Variants in RHBDL2 observed in about 807,000 individuals in gnomAD.
RHBDL2 encodes the protein rhomboid like 2, also known as rhomboid-related protein 2.
In RHBDL2, 26 loss-of-function variants were observed where a neutral mutation model predicts 31.7. That is an observed-to-expected ratio of 0.82 (90% CI 0.60 to 1.14). The LOEUF (loss-of-function observed/expected upper bound fraction) is 1.14. Ranked by LOEUF, RHBDL2 falls within the 50% of genes most tolerant of loss-of-function variation. The pLI is 0.00. For missense variants in RHBDL2, 336 were observed against 364.4 expected (o/e 0.92, Z 0.63); for synonymous variants, 123 against 127.2 (o/e 0.97, Z 0.22).
chr1:38,914,831 C>G (rs1387117871), intron 3 of RHBDL2, among the ~76,000 whole-genome samples: 1 of 151,514 alleles, frequency 6.6e-6, no homozygotes, highest in Non-Finnish European at 1.5e-5. Context: ...GAGTTCAAGA[C>G]TAGCCTAGCC....
At chr1:38,929,200 A>G (rs1316828466) in intron 1 of RHBDL2, among the ~76,000 whole-genome samples, 1 of 152,190 alleles carries the variant, frequency 6.6e-6, no homozygotes, top group African/African-American at 2.4e-5. Flanking sequence ...CTGCCTAGAC[A>G]GTCCCAGACT....
At position 38,896,065 on chromosome 1, in the gene RHBDL2, G is replaced by A; in HGVS notation, c.513C>T (p.Ser171=). Residue 171 remains serine (S), a synonymous_variant, in exon 5 of 8, where the codon TCC becomes TCT. Transcript: ENST00000372990. The part of the protein sequence containing the change: ...LVYLAGVIAG[S]LASSIFDPLR... ...GTGGGTCAAAGATGGAGCTGGCAAGGGACCCTAAAGAAATAAAACACAAAG... is the reference window on the plus strand; with the variant it reads ...GTGGGTCAAAGATGGAGCTGGCAAGAGACCCTAAAGAAATAAAACACAAAG... 6.2e-7 allele frequency: 1 copy of A among 1,610,218 alleles called. No individual in the cohort carries two copies.
intron 1 of RHBDL2, among the ~76,000 whole-genome samples, chr1:38,931,691 A>T (rs1041989463): frequency 6.6e-6 from 1 of 151,708 alleles, no homozygotes; most frequent in African/African-American, 2.4e-5. Context: ...CTCTGGAAAC[A>T]CATGGGAAAA....
At chr1:38,910,753 C>CTTTTTTTTTTTTTTTTTTTTT (rs765064879) in intron 4 of RHBDL2, among the ~76,000 whole-genome samples, 1 of 111,076 alleles carries the variant, frequency 9.0e-6, no homozygotes, top group African/African-American at 3.7e-5. Flanking sequence ...TATTCCTTTT[C>CTTTTTTTTTTTTTTTTTTTTT]TTTTTTTTTT....
chr1:38,900,333 C>A (rs1434202860), intron 4 of RHBDL2, among the ~76,000 whole-genome samples: 1 of 151,898 alleles, frequency 6.6e-6, no homozygotes, highest in African/African-American at 2.4e-5. Flanking sequence ...GACACAAGAA[C>A]CCCCTGGGCC....
chr1:38,887,528 G>A (rs1372368854), intron 7 of RHBDL2, among the ~76,000 whole-genome samples: 1 of 152,108 alleles, frequency 6.6e-6, no homozygotes, highest in African/African-American at 2.4e-5. Flanking sequence ...AGATTCAAGC[G>A]ATTCTCCTGC....
At chr1:38,937,467 T>A (rs1557625846) in intron 1 of RHBDL2, among the ~76,000 whole-genome samples, 1 of 152,022 alleles carries the variant, frequency 6.6e-6, no homozygotes, top group Non-Finnish European at 1.5e-5. Flanking sequence ...AAAACAGAGT[T>A]GAAAAGGAGA....
intron 1 of RHBDL2, 44 bp from the exon 2 acceptor site, chr1:38,919,381 A>G (rs533086032): frequency 6.7e-7 from 1 of 1,497,446 alleles, no homozygotes; most frequent in Admixed American, 2.4e-5. Flanking sequence ...AAAATGATCT[A>G]AACCTCCTAA....
At chr1:38,909,873 C>T (rs1367795072) in intron 4 of RHBDL2, among the ~76,000 whole-genome samples, 3 of 152,188 alleles carry the variant, frequency 2.0e-5, no homozygotes, top group Non-Finnish European at 4.4e-5. Flanking sequence ...AAACCCCATA[C>T]TTATATTCAT....
chr1:38,891,360 A>T (rs921946203), intron 6 of RHBDL2, among the ~76,000 whole-genome samples: 1 of 152,250 alleles, frequency 6.6e-6, no homozygotes, highest in African/African-American at 2.4e-5. Context: ...ACACATTTCA[A>T]ATACAGATGC....
intron 3 of RHBDL2, among the ~76,000 whole-genome samples, chr1:38,914,305 G>A (rs1314657437): frequency 4.0e-5 from 6 of 151,580 alleles, no homozygotes; most frequent in Non-Finnish European, 8.8e-5. Context: ...GCAGTGGCGC[G>A]ATCTCGGCAC....
chr1:38,910,753 CTTTTTTTTTT>C (rs765064879), intron 4 of RHBDL2, among the ~76,000 whole-genome samples: 2 of 111,076 alleles, frequency 1.8e-5, no homozygotes, highest in African/African-American at 3.7e-5. Flanking sequence ...TATTCCTTTT[CTTTTTTTTTT>C]TTTTTTTTTT....
At position 38,886,602 on chromosome 1, in the gene RHBDL2, G is replaced by A; in HGVS notation, c.814C>T (p.Leu272=). 6.2e-7 allele frequency: 1 copy of A among 1,607,582 alleles called. No individual in the cohort carries two copies. Among genetic ancestry groups the A allele is most frequent in the Non-Finnish European group, 8.5e-7 (1 of 1,175,806 alleles). The change falls in exon 8 of 8, where the codon CTG becomes TTG. Residue 272 remains leucine, a synonymous_variant. Transcript: ENST00000372990. The part of the protein sequence containing the change: ...YTVFSCFDKA[L]LKDPRFWIAI... ...ATCCAAAACCTTGGATCTTTCAGCA[G>A]TGCTTTATCAAAGCAGCTAAACACC... is the stretch of plus-strand genomic sequence containing the variant.
At chr1:38,918,528 T>C (rs1034798016) in intron 2 of RHBDL2, among the ~76,000 whole-genome samples, 1 of 152,158 alleles carries the variant, frequency 6.6e-6, no homozygotes, top group African/African-American at 2.4e-5. Flanking sequence ...GAAGTAGACA[T>C]TGTTAAAGGA....
intron 5 of RHBDL2, among the ~76,000 whole-genome samples, chr1:38,895,490 A>C (rs1642906422): frequency 6.6e-6 from 1 of 152,082 alleles, no homozygotes; most frequent in Non-Finnish European, 1.5e-5. Context: ...TTACTTTTGA[A>C]ATGAGAAAAA....
chr1:38,886,512 C>A lies in RHBDL2; in HGVS notation c.904G>T (p.Ala302Ser). The A allele has an allele frequency of 6.3e-7, 1 of 1,575,374 alleles. No homozygotes were observed. Among genetic ancestry groups the A allele is most frequent in the South Asian group, 1.2e-5 (1 of 85,596 alleles). ...AVFFNIFLSPAN is the reference protein window; with the variant it reads ...AVFFNIFLSPSN ...CTTACAATAGGGGCAGGTCAGTTTG[C>A]TGGAGATAGGAAAATGTTGAAAAAC... Residue 302 changes from alanine to serine, a missense_variant, in exon 8 of 8, where the codon GCA becomes TCA. By Grantham distance (99) the Ala-to-Ser change is moderately conservative (BLOSUM62 1). Coordinates refer to ENST00000372990, the MANE Select transcript of RHBDL2 (RefSeq NM_017821.5).
intron 4 of RHBDL2, among the ~76,000 whole-genome samples, chr1:38,906,819 A>C (rs12057644): frequency 0.02 from 3,072 of 152,316 alleles, 98 homozygotes; most frequent in African/African-American, 0.07. Flanking sequence ...TCAATATAGA[A>C]AATATATCAG....
Position 38,886,497 on chromosome 1 carries a change from G to C in RHBDL2, c.*7C>G, listed in dbSNP as rs1451690459. ...CTTTTTATTAATTGACTTACAATAG[G>C]GGCAGGTCAGTTTGCTGGAGATAGG... On this transcript the variant is annotated 3_prime_UTR_variant, in exon 8 of 8. Transcript: ENST00000372990. 6.5e-7 allele frequency: 1 copy of C among 1,549,632 alleles called. No homozygotes were observed. Among genetic ancestry groups the C allele is most frequent in the East Asian group, 2.3e-5 (1 of 43,270 alleles).
At chr1:38,936,274 A>G (rs1347970051) in intron 1 of RHBDL2, among the ~76,000 whole-genome samples, 1 of 151,754 alleles carries the variant, frequency 6.6e-6, no homozygotes, top group Non-Finnish European at 1.5e-5. Context: ...CAGCTTCCTC[A>G]GGTTGAATAA....
Sources: allele counts gnomAD v4.1 joint callset (sites outside exome capture counted in the v4.1 genomes callset), GRCh38; gene constraint gnomAD v4.1.1; transcripts MANE v1.5; gene names NCBI Gene and HGNC (gene_info 2026-07-23, HGNC 2026-07-21).